TCF7L2: variants seen among roughly 807,000 people sequenced by gnomAD.
The protein encoded by TCF7L2 is transcription factor 7 like 2.
TCF7L2 carries 23 observed loss-of-function variants against 77.9 expected under a neutral mutation model. The ratio of observed to expected loss-of-function variants is 0.30; its 90% CI spans 0.21 to 0.42. TCF7L2 has a LOEUF of 0.42. Ranked by LOEUF, TCF7L2 falls within the 10% of genes least tolerant of loss-of-function variation. TCF7L2 has a pLI of 1.00. For synonymous variants in TCF7L2, 413 were observed against 340.2 expected, an observed-to-expected ratio of 1.21 and a Z score of -2.36; for missense variants, 654 against 793.1, an observed-to-expected ratio of 0.82 and a Z score of 2.11.
intron 4 of TCF7L2, among the ~76,000 whole-genome samples, chr10:113,007,439 C>T (rs902529824): frequency 1.3e-5 from 2 of 152,208 alleles, no homozygotes; most frequent in South Asian, 2.1e-4. Context: ...GAGCTTGGGA[C>T]TTCCCCTCAC....
intron 5 of TCF7L2, among the ~76,000 whole-genome samples, chr10:113,044,441 C>T (rs1023078830): frequency 3.9e-5 from 6 of 152,192 alleles, no homozygotes; most frequent in African/African-American, 1.4e-4. Context: ...TGCGCTGTTT[C>T]GATGGGATGT....
chr10:113,076,686 G>C (rs550143722), intron 5 of TCF7L2, among the ~76,000 whole-genome samples: 1 of 152,184 alleles, frequency 6.6e-6, no homozygotes, highest in Non-Finnish European at 1.5e-5. Flanking sequence ...GCAAGTGTTT[G>C]CGGTTCCCAC....
intron 4 of TCF7L2, among the ~76,000 whole-genome samples, chr10:112,965,684 G>A (rs148278413): frequency 1.4e-5 from 2 of 146,586 alleles, no homozygotes; most frequent in African/African-American, 5.1e-5. Flanking sequence ...TGTGGTCTTA[G>A]GTAGCTGCAG....
At chr10:113,162,965 G>A (rs2073416328) in intron 13 of TCF7L2, among the ~76,000 whole-genome samples, 1 of 150,910 alleles carries the variant, frequency 6.6e-6, no homozygotes, top group South Asian at 2.1e-4. Context: ...CGTGGCTATG[G>A]CCACCCCTGG....
At chr10:113,091,595 T>C (rs533721070) in intron 5 of TCF7L2, among the ~76,000 whole-genome samples, 4 of 152,306 alleles carry the variant, frequency 2.6e-5, no homozygotes, top group African/African-American at 9.6e-5. Flanking sequence ...CGCGTGCCCG[T>C]ACTCCCAGCT....
intron 4 of TCF7L2, among the ~76,000 whole-genome samples, chr10:113,035,667 G>A (rs976924387): frequency 2.6e-5 from 4 of 152,214 alleles, no homozygotes; most frequent in African/African-American, 9.7e-5. Flanking sequence ...AAAATGTTGG[G>A]ACTACAGGCC....
intron 4 of TCF7L2, among the ~76,000 whole-genome samples, chr10:113,036,880 T>A (rs1424899148): frequency 6.6e-6 from 1 of 151,290 alleles, no homozygotes; most frequent in Non-Finnish European, 1.5e-5. Context: ...TGGTGGGAAC[T>A]TTTTTTTTCC....
chr10:113,003,950 A>G (rs2045000257), intron 4 of TCF7L2, among the ~76,000 whole-genome samples: 1 of 152,218 alleles, frequency 6.6e-6, no homozygotes, highest in Non-Finnish European at 1.5e-5. Context: ...CTGGCGAAAC[A>G]TACACCTTTA....
intron 3 of TCF7L2, among the ~76,000 whole-genome samples, chr10:112,960,532 C>A (rs1367076475): frequency 6.6e-6 from 1 of 152,112 alleles, no homozygotes; most frequent in Admixed American, 6.6e-5. Context: ...TGGTGACTCC[C>A]TGGGTACTCC....
intron 7 of TCF7L2, among the ~76,000 whole-genome samples, chr10:113,145,055 T>C (rs1360365641): frequency 6.6e-6 from 1 of 151,914 alleles, no homozygotes; most frequent in African/African-American, 2.4e-5. Flanking sequence ...AGATAAAATT[T>C]TGGAGTGGCT....
intron 5 of TCF7L2, among the ~76,000 whole-genome samples, chr10:113,118,769 G>T (rs1434708874): frequency 6.6e-6 from 1 of 150,618 alleles, no homozygotes; most frequent in East Asian, 2.0e-4. Flanking sequence ...TTCTATTAAA[G>T]TTGTGGCATG....
At chr10:112,989,994 C>T (rs2042237649) in intron 4 of TCF7L2, among the ~76,000 whole-genome samples, 1 of 152,152 alleles carries the variant, frequency 6.6e-6, no homozygotes, top group Non-Finnish European at 1.5e-5. Context: ...AATGTGTTGG[C>T]TTTGATGCCC....
chr10:113,082,011 T>C (rs541342825), intron 5 of TCF7L2, among the ~76,000 whole-genome samples: 4 of 152,258 alleles, frequency 2.6e-5, no homozygotes, highest in African/African-American at 9.6e-5. Context: ...CTAATTTTTG[T>C]ATTTTTAGTA....
intron 4 of TCF7L2, among the ~76,000 whole-genome samples, chr10:113,032,793 C>T (rs1454690041): frequency 6.6e-6 from 1 of 152,126 alleles, no homozygotes; most frequent in Non-Finnish European, 1.5e-5. Flanking sequence ...ACCTTTCTGC[C>T]CATTTATTTT....
chr10:113,084,407 A>T (rs1376861046), intron 5 of TCF7L2, among the ~76,000 whole-genome samples: 1 of 152,196 alleles, frequency 6.6e-6, no homozygotes, highest in Non-Finnish European at 1.5e-5. Flanking sequence ...ACTCAGGAGG[A>T]TGCCGGCTGG....
At chr10:113,132,455 C>G (rs1446633691) in intron 5 of TCF7L2, among the ~76,000 whole-genome samples, 1 of 152,162 alleles carries the variant, frequency 6.6e-6, no homozygotes, top group Non-Finnish European at 1.5e-5. Context: ...AACCATTATG[C>G]TCTTAAAATT....
At chr10:113,070,331 G>A (rs1390342908) in intron 5 of TCF7L2, among the ~76,000 whole-genome samples, 2 of 148,270 alleles carry the variant, frequency 1.3e-5, no homozygotes, top group Non-Finnish European at 3.0e-5. Context: ...GTGGTATAAG[G>A]TTCTTAGCCC....
rs72641339 is a variant in TCF7L2, at chr10:113,096,767, G to T, written c.553-44417G>T. The stretch of plus-strand genomic sequence containing the variant: ...CAGCAGGGAGAAAAGCTCTTGGCTG[G>T]GAAGATCTAAATTAGAGGCCTGTTT... On this transcript the variant is annotated intron_variant, in intron 5 of 13. Transcript: ENST00000627217. Among the ~76,000 whole-genome samples, 7,383 of 152,114 alleles carry T rather than the reference G, an allele frequency of 0.049. 976 individuals carry two copies. In the East Asian group the frequency reaches 0.55, roughly 11 times the overall value.
At chr10:113,124,538 A>C (rs1368716019) in intron 5 of TCF7L2, among the ~76,000 whole-genome samples, 1 of 152,168 alleles carries the variant, frequency 6.6e-6, no homozygotes, top group Non-Finnish European at 1.5e-5. Context: ...CTATTCCTAA[A>C]ACATCTAAGA....
Sources: gnomAD v4.1 joint callset for allele counts (sites outside exome capture counted in the v4.1 genomes callset) on GRCh38, gnomAD v4.1.1 for gene constraint, MANE v1.5 for transcripts, NCBI Gene and HGNC (gene_info 2026-07-23, HGNC 2026-07-21) for gene names.